Variants in TMEM71 observed in about 807,000 individuals in gnomAD.
TMEM71 encodes the protein transmembrane protein 71.
A neutral mutation model predicts 38.0 loss-of-function variants in TMEM71; 44 were observed. The observed-to-expected ratio is 1.16, with a 90% CI of 0.91 to 1.49. The LOEUF (loss-of-function observed/expected upper bound fraction) is 1.49, where lower values mean the gene tolerates loss of function less well. TMEM71 is among the 40% of genes most tolerant of loss of function. The pLI is 0.00. For synonymous variants in TMEM71, 133 were observed against 122.5 expected (o/e 1.09, Z -0.56); for missense variants, 367 against 348.6 (o/e 1.05, Z -0.42).
chr8:132,728,110 G>T (rs901715426), intron 5 of TMEM71, 124 bp from the exon 6 acceptor site: 1 of 668,054 alleles, frequency 1.5e-6, no homozygotes, highest in East Asian at 3.0e-5. Context: ...ATATTGATAC[G>T]GTATTGCACT....
intron 2 of TMEM71, 157 bp downstream of exon 2, chr8:132,758,683 T>TA (rs1829167073): frequency 3.2e-6 from 2 of 630,146 alleles, no homozygotes; most frequent in Middle Eastern, 2.6e-4. Flanking sequence ...AAAATGAAGT[T>TA]AAAATCATTG....
chr8:132,770,540 C>T, the TMEM71 span, among the ~76,000 whole-genome samples: 1 of 152,076 alleles, frequency 6.6e-6, no homozygotes, highest in African/African-American at 2.4e-5. Context: ...TTTTTACGGT[C>T]GCCAGGATGC....
At chr8:132,775,789 C>A in the TMEM71 span, 1 of 231,558 alleles carries the variant, frequency 4.3e-6, no homozygotes, top group East Asian at 8.5e-5. Flanking sequence ...GTCTGGGCGC[C>A]GCAGCTCCCT....
At chr8:132,711,089 C>T (rs1029430803) in intron 9 of TMEM71, 107 bp from the exon 10 acceptor site, 15 of 950,160 alleles carry the variant, frequency 1.6e-5, no homozygotes, top group African/African-American at 3.5e-5. Context: ...CACACACCCA[C>T]ACCCATACCC....
At chr8:132,771,633 T>TTA in the TMEM71 span, among the ~76,000 whole-genome samples, 1 of 151,426 alleles carries the variant, frequency 6.6e-6, no homozygotes, top group African/African-American at 2.4e-5. Flanking sequence ...TTTACTTTAA[T>TTA]AACATCATAT....
At chr8:132,754,073 A>G (rs1828874700) in intron 3 of TMEM71, among the ~76,000 whole-genome samples, 2 of 152,168 alleles carry the variant, frequency 1.3e-5, no homozygotes. Flanking sequence ...AGTATTCTCC[A>G]CTTTTTAGAG....
At chr8:132,740,035 A>AAAT (rs1161166516) in intron 5 of TMEM71, among the ~76,000 whole-genome samples, 1 of 152,168 alleles carries the variant, frequency 6.6e-6, no homozygotes, top group Non-Finnish European at 1.5e-5. Context: ...TAATCCTTTT[A>AAAT]ACATGTAAAT....
Position 132,744,302 on chromosome 8 carries a change from C to G in TMEM71, c.487+2640G>C, listed in dbSNP as rs540988984. Among the ~76,000 whole-genome samples the G allele has an allele frequency of 3.3e-4, 50 of 152,180 alleles. 1 individual carries two copies. In the South Asian group the frequency reaches 8.3e-3, roughly 25 times the overall value. On this transcript the variant is annotated intron_variant, in intron 5 of 9. Transcript: ENST00000677595. The stretch of plus-strand genomic sequence containing the variant: ...TGAACTATGACTGATATTCATTGTC[C>G]CATTTCATCTTTAAAATATACTTTG...
At chr8:132,707,705 T>C (rs1826113670), downstream of TMEM71, among the ~76,000 whole-genome samples, 1 of 152,204 alleles carries the variant, frequency 6.6e-6, no homozygotes, top group African/African-American at 2.4e-5. Context: ...ATATGTTTCT[T>C]TTTAAAAATA....
chr8:132,746,488 C>CATATATATACAT (rs1371596715), intron 5 of TMEM71, among the ~76,000 whole-genome samples: 4 of 54,296 alleles, frequency 7.4e-5, no homozygotes, highest in Non-Finnish European at 1.1e-4. Flanking sequence ...TATATATATA[C>CATATATATACAT]ATATATATAC....
chr8:132,721,425 A>T (rs924851275), intron 7 of TMEM71, among the ~76,000 whole-genome samples: 3 of 152,136 alleles, frequency 2.0e-5, no homozygotes, highest in Non-Finnish European at 4.4e-5. Context: ...CTATACTTAG[A>T]GTATATCTGT....
rs578040285 is a variant in TMEM71 at position 132,727,401 on chromosome 8, C to T, written c.676+397G>A. 2.3e-3 allele frequency among the ~76,000 whole-genome samples: 346 copies of T among 151,976 alleles called. 5 individuals carry two copies. Among genetic ancestry groups the T allele is most frequent in the African/African-American group, 7.9e-3 (327 of 41,436 alleles). On this transcript the variant is annotated intron_variant, in intron 6 of 9. Coordinates refer to ENST00000677595, the MANE Select transcript of TMEM71 (RefSeq NM_001382403.1). Reference sequence around the variant, plus strand: ...CCTCCCGAGTAGCTGGGACTATAGGCACCCGCCACCATGCCCAGCTAATTT... The same window carrying T: ...CCTCCCGAGTAGCTGGGACTATAGGTACCCGCCACCATGCCCAGCTAATTT...
chr8:132,736,726 C>T (rs1002334281), intron 5 of TMEM71, among the ~76,000 whole-genome samples: 1 of 151,808 alleles, frequency 6.6e-6, no homozygotes, highest in South Asian at 2.1e-4. Context: ...AGCTACTTGG[C>T]AGGCTGAGGC....
In TMEM71 at chr8:132,731,357, T is replaced by A. The variant is rs75336635; in HGVS notation, c.488-3371A>T. ...AAACGATGTTTCAAGGTGGAAGTGA[T>A]TTTTAAGAATTTATCATTCAATAAT... On this transcript the variant is annotated intron_variant, in intron 5 of 9. Coordinates refer to ENST00000677595, the MANE Select transcript of TMEM71 (RefSeq NM_001382403.1). Among the ~76,000 whole-genome samples, 860 of 152,262 alleles carry A rather than the reference T, an allele frequency of 5.6e-3. 8 individuals are homozygous for A. The highest frequency in any genetic ancestry group is 0.015 in the African/African-American group (639 of 41,536).
intron 4 of TMEM71, among the ~76,000 whole-genome samples, 155 bp from the exon 5 acceptor site, chr8:132,747,269 T>A (rs1256657647): frequency 6.6e-6 from 1 of 152,226 alleles, no homozygotes; most frequent in Non-Finnish European, 1.5e-5. Context: ...GCCAGGTCCT[T>A]GGCTCAATGT....
intron 5 of TMEM71, among the ~76,000 whole-genome samples, chr8:132,735,228 A>T (rs1421185818): frequency 1.3e-5 from 2 of 152,214 alleles, no homozygotes; most frequent in South Asian, 2.1e-4. Flanking sequence ...ATTGCAACTA[A>T]TGAGGAAAGG....
At chr8:132,722,282 A>G (rs533866415) in intron 6 of TMEM71, among the ~76,000 whole-genome samples, 167 bp from the exon 7 acceptor site, 3 of 152,178 alleles carry the variant, frequency 2.0e-5, no homozygotes, top group East Asian at 1.9e-4. Flanking sequence ...AAAATTACCT[A>G]CTGTTATACA....
At chr8:132,732,895 T>A (rs1453115970) in intron 5 of TMEM71, among the ~76,000 whole-genome samples, 1 of 152,116 alleles carries the variant, frequency 6.6e-6, no homozygotes, top group African/African-American at 2.4e-5. Context: ...CAACAAGACA[T>A]TACCTGCCCA....
intron 5 of TMEM71, among the ~76,000 whole-genome samples, chr8:132,746,466 T>TATATATATACATATATATATAC (rs1337318539): frequency 1.9e-4 from 3 of 16,148 alleles, no homozygotes; most frequent in Non-Finnish European, 3.8e-4. Flanking sequence ...TATATATACA[T>TATATATATACATATATATATAC]ATATATATAC....
Sources: allele counts gnomAD v4.1 joint callset (sites outside exome capture counted in the v4.1 genomes callset), GRCh38; gene constraint gnomAD v4.1.1; transcripts MANE v1.5; gene names NCBI Gene and HGNC (gene_info 2026-07-23, HGNC 2026-07-21).